The following CLN6 variants were observed in gnomAD, a reference collection of about 807,000 sequenced individuals.
The protein encoded by CLN6 is CLN6 transmembrane ER protein, also known as ceroid-lipofuscinosis neuronal protein 6.
In CLN6, 22 loss-of-function variants were observed where a neutral mutation model predicts 33.3. The observed-to-expected ratio is 0.66, with a 90% CI of 0.47 to 0.94. The LOEUF (loss-of-function observed/expected upper bound fraction) is 0.94. Among genes scored for constraint, CLN6 ranks in the 40% least tolerant of loss-of-function variants. The pLI, the probability that CLN6 is intolerant of heterozygous loss-of-function variation, is 0.00. For missense variants in CLN6, 387 were observed against 417.1 expected, an observed-to-expected ratio of 0.93 and a Z score of 0.63; for synonymous variants, 201 against 174.6, an observed-to-expected ratio of 1.15 and a Z score of -1.19.
At chr15:68,215,082 C>T (rs1482260324) in intron 2 of CLN6, 1 of 152,754 alleles carries the variant, frequency 6.5e-6, no homozygotes, top group Non-Finnish European at 1.5e-5. Flanking sequence ...GTGTGAAAAC[C>T]CCTATGCGGG....
chr15:68,218,533 C>G lies in CLN6; in HGVS notation c.198+3G>C. The G allele has an allele frequency of 6.2e-7, 1 of 1,603,292 alleles. No homozygotes were observed. Among genetic ancestry groups the G allele is most frequent in the Non-Finnish European group, 8.5e-7 (1 of 1,170,176 alleles). ...AGAGCCCTGTGCACCATTTCACACT[C>G]ACCATGGCAATGGGACGCCCAAAGT... On this transcript the variant is annotated splice_donor_region_variant and intron_variant, in intron 2 of 6. Coordinates refer to ENST00000249806, the MANE Select transcript of CLN6 (RefSeq NM_017882.3).
chr15:68,232,904 T>C (rs962394487), upstream of CLN6, among the ~76,000 whole-genome samples: 3 of 152,062 alleles, frequency 2.0e-5, no homozygotes, highest in African/African-American at 7.2e-5. This position sits in a 1 kb window ranked among gnomAD's most constrained non-coding sequence, Gnocchi z 4.7. Context: ...GAACTGGGTG[T>C]CGTGGCATGT....
rs1165500414 is a variant in CLN6 at position 68,214,301 on chromosome 15, G to C, written c.286C>G (p.Leu96Val). 3.7e-6 allele frequency: 6 copies of C among 1,613,134 alleles called. No individual in the cohort carries two copies. Among genetic ancestry groups the C allele is most frequent in the Non-Finnish European group, 5.1e-6 (6 of 1,179,182 alleles). The change falls in exon 3 of 7, where the codon CTC becomes GTC. Residue 96 changes from leucine to valine, a missense_variant. Coordinates refer to ENST00000249806, the MANE Select transcript of CLN6 (RefSeq NM_017882.3). ...CCCTGGGACAGTACCTTGAGCAAGA[G>C]AAAGGGCGTGATGACGTTGTAGGCC... ...HMAYNVITPF[L>V]LLKLIERSPR...
chr15:68,211,811 A>G lies in CLN6; in HGVS notation c.350T>C (p.Ile117Thr). 1 of 1,613,924 alleles carries G rather than the reference A, an allele frequency of 6.2e-7. No homozygotes were observed. Among genetic ancestry groups the G allele is most frequent in the Non-Finnish European group, 8.5e-7 (1 of 1,180,010 alleles). The change falls in exon 4 of 7, where the codon ATC becomes ACC. Residue 117 changes from isoleucine (I) to threonine (T), a missense_variant. Coordinates refer to ENST00000249806, the MANE Select transcript of CLN6 (RefSeq NM_017882.3). This position sits in a 1 kb window ranked among gnomAD's most constrained non-coding sequence, Gnocchi z 5.9. ...GCTGGCACCCATGATGAAGATGATG[A>G]TGCTCACGTACGTGATGGAGCGTGG... ...TLPRSITYVS[I>T]IIFIMGASIH... is the part of the protein sequence containing the mutation.
chr15:68,211,176 C>G lies in CLN6; in HGVS notation c.542+87G>C, dbSNP rs570322038. On this transcript the variant is annotated intron_variant, in intron 5 of 6. Transcript: ENST00000249806. This position sits in a 1 kb window ranked among gnomAD's most constrained non-coding sequence, Gnocchi z 5.9. ...AACACATGGAGACCCGCAGCCCAGA[C>G]AGCCTTGCTCAGTGTGTCCCTGAGC... 51 of 1,136,172 alleles carry G rather than the reference C, an allele frequency of 4.5e-5. No homozygotes were observed. The highest frequency in any genetic ancestry group is 5.1e-5 in the Non-Finnish European group (38 of 743,838). 70.4% of individuals were successfully genotyped at this position (1,136,172 alleles called of 1,614,324 possible). A position where few individuals can be genotyped will look rare whatever the true frequency, so the allele number is the denominator to read the frequency against.
chr15:68,208,346 G>C lies in CLN6; in HGVS notation c.730C>G (p.Leu244Val), dbSNP rs2093194059. The C allele has an allele frequency of 6.2e-7, 1 of 1,614,008 alleles. No individual in the cohort carries two copies. Among genetic ancestry groups the C allele is most frequent in the Non-Finnish European group, 8.5e-7 (1 of 1,180,044 alleles). ...FIFTFFAMLALVLHQKRKRLF... is the reference protein window; with the variant it reads ...FIFTFFAMLAVVLHQKRKRLF... Reference sequence around the variant, plus strand: ...CGCTTGCGCTTCTGGTGCAGGACGAGGGCCAGCATGGCGAAGAAGGTGAAG... The same window carrying C: ...CGCTTGCGCTTCTGGTGCAGGACGACGGCCAGCATGGCGAAGAAGGTGAAG... The change falls in exon 7 of 7, where the codon CTC (leucine) becomes GTC (valine). Residue 244 changes from leucine (L) to valine (V), a missense_variant. Coordinates refer to ENST00000249806, the MANE Select transcript of CLN6 (RefSeq NM_017882.3). The surrounding 1 kb of genome is among the most constrained non-coding windows in gnomAD (Gnocchi z 5.8).
At chr15:68,243,855 A>G (rs1241443566) in intron 1 of CLN6, among the ~76,000 whole-genome samples, 1 of 151,892 alleles carries the variant, frequency 6.6e-6, no homozygotes. Context: ...CAAGGTCAGG[A>G]GATCGAGACC....
At chr15:68,229,127 C>G (rs983531203) in intron 1 of CLN6, among the ~76,000 whole-genome samples, 1 of 152,050 alleles carries the variant, frequency 6.6e-6, no homozygotes, top group Non-Finnish European at 1.5e-5. Context: ...AGTTGGGGGT[C>G]CGAGTGACGA....
At position 68,214,382 on chromosome 15, in the gene CLN6, A is replaced by G. The variant is rs1418418672; in HGVS notation, c.205T>C (p.Phe69Leu). 5 of 1,613,084 alleles carry G rather than the reference A, an allele frequency of 3.1e-6. No homozygotes were observed. The Admixed American group carries it at 6.7e-5, about 22-fold the overall frequency. Residue 69 changes from phenylalanine (F) to leucine (L), a missense_variant, in exon 3 of 7, where the codon TTC becomes CTC. Coordinates refer to ENST00000249806, the MANE Select transcript of CLN6 (RefSeq NM_017882.3). ...TTGAGTGGAAACCACTCGAGAGGGA[A>G]TACCAGCTGCGGAGCAAATGGAAGA... ...DFGRPIAMLVFPLEWFPLNKP... is the reference protein window; with the variant it reads ...DFGRPIAMLVLPLEWFPLNKP...
At position 68,229,472 on chromosome 15, in the gene CLN6, G is replaced by A; in HGVS notation, c.83+30C>T. On this transcript the variant is annotated intron_variant, in intron 1 of 6. Coordinates refer to ENST00000249806, the MANE Select transcript of CLN6 (RefSeq NM_017882.3). ...CGAGGCCCCAGCGCACAGGCGCCTA[G>A]CCCGCCCTCTCACCCCGGCGCGCGC... is the stretch of plus-strand genomic sequence containing the variant. The A allele has an allele frequency of 6.9e-7, 1 of 1,446,906 alleles. No individual in the cohort carries two copies. The highest frequency in any genetic ancestry group is 9.1e-7 in the Non-Finnish European group (1 of 1,099,326). The allele number at this position is 1,446,906 out of a possible 1,614,324, so 89.6% of individuals were successfully genotyped here.
intron 3 of CLN6, 151 bp downstream of exon 3, chr15:68,214,139 A>T (rs2093213848): frequency 1.5e-6 from 1 of 660,636 alleles, no homozygotes; most frequent in Non-Finnish European, 2.7e-6. Context: ...CCCGGGCCCC[A>T]GGCCCTGGAC....
In CLN6 at chr15:68,220,116, G is replaced by C. The variant is rs8033550; in HGVS notation, c.84-1466C>G. Among the ~76,000 whole-genome samples the C allele has an allele frequency of 0.065, 9,951 of 152,218 alleles. 898 individuals carry two copies. The highest frequency in any genetic ancestry group is 0.2 in the African/African-American group (8,465 of 41,496). On this transcript the variant is annotated intron_variant, in intron 1 of 6. Coordinates refer to ENST00000249806, the MANE Select transcript of CLN6 (RefSeq NM_017882.3). The surrounding 1 kb of genome is among the most constrained non-coding windows in gnomAD (Gnocchi z 4.2). ...TGGCTGGTAGAGTACCCCAGGACAG[G>C]GAGGCAAGCTCTTGGGAGAAATCTC... is the stretch of plus-strand genomic sequence containing the variant.
At position 68,218,584 on chromosome 15, in the gene CLN6, G is replaced by C. The variant is rs154774640; in HGVS notation, c.150C>G (p.Tyr50Ter). The C allele has an allele frequency of 3.8e-5, 61 of 1,613,938 alleles. No homozygotes were observed. The highest frequency in any genetic ancestry group is 5.0e-5 in the Non-Finnish European group (59 of 1,179,964). Residue 50 changes from tyrosine to a stop codon, truncating the protein, a stop_gained, in exon 2 of 7, where the codon TAC (tyrosine) becomes TAG (stop). Coordinates refer to ENST00000249806, the MANE Select transcript of CLN6 (RefSeq NM_017882.3). LOFTEE classifies it high-confidence loss of function. ...TAPFHLDLWF[Y>*]FTLQNWVLDF... ...CCAGAACCCAGTTCTGCAGTGTGAAGTAGAACCAGAGGTCGAGGTGGAAGG... is the reference window on the plus strand; with the variant it reads ...CCAGAACCCAGTTCTGCAGTGTGAACTAGAACCAGAGGTCGAGGTGGAAGG...
At chr15:68,238,721 C>T (rs1486861151) in intron 1 of CLN6, among the ~76,000 whole-genome samples, 2 of 152,040 alleles carry the variant, frequency 1.3e-5, no homozygotes, top group African/African-American at 4.8e-5. Context: ...TTAACTAAAA[C>T]AATTTCTGGA....
At chr15:68,229,984 C>A (rs1428413556), upstream of CLN6, among the ~76,000 whole-genome samples, 5 of 152,070 alleles carry the variant, frequency 3.3e-5, no homozygotes, top group Non-Finnish European at 5.9e-5. Context: ...TGGGCTGGGG[C>A]GGGGTAGCGA....
chr15:68,211,653 A>T lies in CLN6; in HGVS notation c.486+22T>A. ...GACTGTGCTCCTAGGGCTTACAGGCAGGGAGCAGGAGGTGGCCTCACCAGC... is the reference window on the plus strand; with the variant it reads ...GACTGTGCTCCTAGGGCTTACAGGCTGGGAGCAGGAGGTGGCCTCACCAGC... On this transcript the variant is annotated intron_variant, in intron 4 of 6. Transcript: ENST00000249806. The surrounding 1 kb of genome is among the most constrained non-coding windows in gnomAD (Gnocchi z 5.9). 1 of 1,612,724 alleles carries T rather than the reference A, an allele frequency of 6.2e-7. No individual in the cohort carries two copies. The highest frequency in any genetic ancestry group is 8.5e-7 in the Non-Finnish European group (1 of 1,179,978).
upstream of CLN6, among the ~76,000 whole-genome samples, chr15:68,230,812 C>T (rs2093267320): frequency 6.6e-6 from 1 of 152,184 alleles, no homozygotes; most frequent in Non-Finnish European, 1.5e-5. This position sits in a 1 kb window ranked among gnomAD's most constrained non-coding sequence, Gnocchi z 4.0. Context: ...ACTCTCTCCT[C>T]CCCACGGTCA....
chr15:68,208,554 A>C lies in CLN6; in HGVS notation c.666-144T>G. 2.5e-6 allele frequency: 2 copies of C among 808,316 alleles called. No individual in the cohort carries two copies. The highest frequency in any genetic ancestry group is 4.0e-6 in the Non-Finnish European group (2 of 494,010). 50.1% of individuals were successfully genotyped at this position (808,316 alleles called of 1,614,324 possible). The stretch of plus-strand genomic sequence containing the variant: ...AGGGCTCAGAGAACTATGCCGCTCT[A>C]AGCCACAGCCCATGGGCAGCATATT... On this transcript the variant is annotated intron_variant, in intron 6 of 6. Coordinates refer to ENST00000249806, the MANE Select transcript of CLN6 (RefSeq NM_017882.3). This position sits in a 1 kb window ranked among gnomAD's most constrained non-coding sequence, Gnocchi z 5.8.
chr15:68,256,719 C>G lies in CLN6; in HGVS notation c.150G>C (p.Ser50=), dbSNP rs1163266264. The G allele has an allele frequency of 4.4e-6, 3 of 681,740 alleles. No homozygotes were observed. The highest frequency in any genetic ancestry group is 2.3e-5 in the Admixed American group (1 of 44,068). 42.2% of individuals were successfully genotyped at this position (681,740 alleles called of 1,614,324 possible). ...TACCTTTGAATTTGAGTTTTCTCAGCGAAGTCTCACAGGACAATGGCGCCT... is the reference window on the plus strand; with the variant it reads ...TACCTTTGAATTTGAGTTTTCTCAGGGAAGTCTCACAGGACAATGGCGCCT... Residue 50 remains serine, a synonymous_variant, in exon 1 of 7, where the codon TCG becomes TCC. Transcript: ENST00000538696. This position sits in a 1 kb window ranked among gnomAD's most constrained non-coding sequence, Gnocchi z 4.1.
Sources: gnomAD v4.1 joint callset for allele counts (sites outside exome capture counted in the v4.1 genomes callset) on GRCh38, gnomAD v4.1.1 for gene constraint, Gnocchi (gnomAD v3.1) non-coding constraint, MANE v1.5 for transcripts, NCBI Gene and HGNC (gene_info 2026-07-23, HGNC 2026-07-21) for gene names.